POM121C: variants seen among roughly 807,000 people sequenced by gnomAD.
POM121C encodes nuclear envelope pore membrane protein POM 121C.
In POM121C, 20 loss-of-function variants were observed where a neutral mutation model predicts 66.4. That is an observed-to-expected ratio of 0.30 (90% CI 0.21 to 0.44). The LOEUF (loss-of-function observed/expected upper bound fraction) is 0.44, where lower values mean the gene tolerates loss of function less well. Among genes scored for constraint, POM121C ranks in the 20% least tolerant of loss-of-function variants. The pLI, the probability that POM121C is intolerant of heterozygous loss-of-function variation, is 1.00. For missense variants in POM121C, 580 were observed against 1,225.7 expected, an observed-to-expected ratio of 0.47 and a Z score of 7.87; for synonymous variants, 286 against 528.0, an observed-to-expected ratio of 0.54 and a Z score of 6.28.
At chr7:75,471,123 A>C (rs1276305133) in intron 3 of POM121C, among the ~76,000 whole-genome samples, 1 of 152,158 alleles carries the variant, frequency 6.6e-6, no homozygotes, top group African/African-American at 2.4e-5. Flanking sequence ...ACAGATCTAG[A>C]GCTTGGATGG....
chr7:75,440,121 T>G (rs1790577824), intron 5 of POM121C, among the ~76,000 whole-genome samples: 1 of 151,766 alleles, frequency 6.6e-6, no homozygotes, highest in African/African-American at 2.4e-5. Context: ...CCTCAGGTGA[T>G]CCACCCGCCT....
intron 3 of POM121C, among the ~76,000 whole-genome samples, chr7:75,448,894 A>C (rs1369041911): frequency 6.7e-6 from 1 of 150,374 alleles, no homozygotes; most frequent in Non-Finnish European, 1.5e-5. Context: ...GAAAAAGGCA[A>C]CTTAAAAAGG....
At chr7:75,477,239 C>T (rs1792124161) in intron 1 of POM121C, among the ~76,000 whole-genome samples, 1 of 151,898 alleles carries the variant, frequency 6.6e-6, no homozygotes, top group African/African-American at 2.4e-5. Flanking sequence ...ATAAAATGCT[C>T]ATTATCTACA....
chr7:75,419,017 G>T, intron 14 of POM121C, 124 bp from the exon 15 acceptor site: 1 of 1,455,376 alleles, frequency 6.9e-7, no homozygotes, highest in Non-Finnish European at 9.1e-7. Flanking sequence ...GGCTTTCCCC[G>T]CTGCGTCAGA....
chr7:75,464,072 A>G (rs2116490161), intron 3 of POM121C, among the ~76,000 whole-genome samples: 1 of 144,468 alleles, frequency 6.9e-6, no homozygotes, highest in South Asian at 2.3e-4. Flanking sequence ...CCTGACTCCA[A>G]TTTTCAAAAA....
In POM121C at chr7:75,442,486, G is replaced by A. The variant is rs587608927; in HGVS notation, c.-151-839C>T. ...GCGCCTTCTGAACGAAGGAGGACAA[G>A]GGGCGCGAACCTCGGGGCTCGCGGC... On this transcript the variant is annotated intron_variant, in intron 3 of 14. Transcript: ENST00000615331. 553 of 1,415,474 alleles carry A rather than the reference G, an allele frequency of 3.9e-4. No individual in the cohort carries two copies. In the African/African-American group the frequency reaches 6.1e-3, roughly 16 times the overall value. 87.7% of individuals were successfully genotyped at this position (1,415,474 alleles called of 1,614,324 possible).
chr7:75,469,389 C>A (rs1791790794), intron 3 of POM121C, among the ~76,000 whole-genome samples: 1 of 152,176 alleles, frequency 6.6e-6, no homozygotes, highest in East Asian at 1.9e-4. Context: ...TGAGCCACCA[C>A]ACCTGGCCAG....
In POM121C at chr7:75,418,829, C is replaced by T; in HGVS notation, c.2931G>A (p.Leu977=). The change falls in exon 15 of 15, where the codon CTG becomes CTA. Residue 977 remains leucine, a synonymous_variant. Coordinates refer to ENST00000615331, the MANE Select transcript of POM121C (RefSeq NM_001099415.3). ...TGCGGGTGTGCTGCCTTCGGGCCTG[C>T]AGTCGCTGTCGAGCCCCTGGGGTCT... is the stretch of plus-strand genomic sequence containing the variant. ...GSKTPGARQR[L]QARRQHTRKK is the part of the protein sequence containing the mutation. 1.9e-6 allele frequency: 3 copies of T among 1,611,814 alleles called. No individual in the cohort carries two copies. Among genetic ancestry groups the T allele is most frequent in the Non-Finnish European group, 2.5e-6 (3 of 1,179,786 alleles).
At chr7:75,421,253 A>C in intron 13 of POM121C, 1 of 1,117,690 alleles carries the variant, frequency 8.9e-7, no homozygotes, top group Non-Finnish European at 1.2e-6. Context: ...TGGGATTACA[A>C]GCATGAGCCA....
Position 75,441,046 on chromosome 7 carries a change from C to T in POM121C, c.135G>A (p.Glu45=), listed in dbSNP as rs1790624655. The change falls in exon 5 of 15, where the codon GAG becomes GAA. Residue 45 remains glutamate (E), a synonymous_variant. Transcript: ENST00000615331. ...TCTCTTTGAGGGCACTCAGTACAGT[C>T]TCCTTTGCACATGGGTCTGGGGCAT... ...SSNAPDPCAK[E]TVLSALKEKK... is the part of the protein sequence containing the mutation. 1.2e-6 allele frequency: 2 copies of T among 1,613,966 alleles called. No homozygotes were observed. Among genetic ancestry groups the T allele is most frequent in the African/African-American group, 2.7e-5 (2 of 75,024 alleles).
chr7:75,440,925 C>G, intron 5 of POM121C, 29 bp downstream of exon 5: 1 of 1,541,638 alleles, frequency 6.5e-7, no homozygotes, highest in Non-Finnish European at 8.9e-7. Flanking sequence ...AAGCGGGAAA[C>G]TGGCTTAGTA....
chr7:75,450,262 C>A (rs1458241723), intron 3 of POM121C, among the ~76,000 whole-genome samples: 1 of 151,246 alleles, frequency 6.6e-6, no homozygotes, highest in Admixed American at 6.6e-5. Context: ...TTCCTAAATC[C>A]GAGAAGGAAA....
At chr7:75,465,064 A>G (rs113160991) in intron 3 of POM121C, among the ~76,000 whole-genome samples, 110,653 of 148,516 alleles carry the variant, frequency 0.75, 41,920 homozygotes, top group East Asian at 0.96. Flanking sequence ...GCGTGATCTC[A>G]GCTCATTGAA....
At chr7:75,479,602 T>C (rs1792231908) in intron 1 of POM121C, among the ~76,000 whole-genome samples, 1 of 135,462 alleles carries the variant, frequency 7.4e-6, no homozygotes, top group Admixed American at 7.5e-5. Context: ...GGGGACAGAG[T>C]GAGACTCTGT....
intron 3 of POM121C, among the ~76,000 whole-genome samples, chr7:75,461,784 TA>T (rs1791453322): frequency 6.6e-6 from 1 of 152,010 alleles, no homozygotes; most frequent in African/African-American, 2.4e-5. Flanking sequence ...ATAATTAAAC[TA>T]AATCAATTTT....
chr7:75,483,153 T>C (rs1263523296), intron 1 of POM121C, among the ~76,000 whole-genome samples: 2 of 152,202 alleles, frequency 1.3e-5, no homozygotes, highest in Non-Finnish European at 2.9e-5. Flanking sequence ...GGAAAAATTA[T>C]ATGCACCAAG....
At chr7:75,472,591 G>C (rs1308638345) in intron 3 of POM121C, among the ~76,000 whole-genome samples, 1 of 151,922 alleles carries the variant, frequency 6.6e-6, no homozygotes, top group African/African-American at 2.4e-5. Flanking sequence ...TGGATCACAA[G>C]GTCAGGAGTT....
At position 75,439,162 on chromosome 7, in the gene POM121C, G is replaced by A. The variant is rs190008034; in HGVS notation, c.290C>T (p.Pro97Leu). Residue 97 changes from proline (P) to leucine (L), a missense_variant, in exon 6 of 15, where the codon CCC (proline) becomes CTC (leucine). Pro to Leu is a moderately conservative substitution (Grantham distance 98). Transcript: ENST00000615331. Reference sequence around the variant, plus strand: ...CACTTACTTAGGCACAAAAGAAGCGGGGACTCCACTGGCCACCAGGGGCTC... The same window carrying A: ...CACTTACTTAGGCACAAAAGAAGCGAGGACTCCACTGGCCACCAGGGGCTC... The part of the protein sequence containing the change: ...AFEPLVASGV[P>L]ASFVPKPGSL... 95 of 1,614,198 alleles carry A rather than the reference G, an allele frequency of 5.9e-5. No homozygotes were observed. The highest frequency in any genetic ancestry group is 1.6e-4 in the Middle Eastern group (1 of 6,062).
At chr7:75,484,733 T>A (rs1220340279) in intron 1 of POM121C, among the ~76,000 whole-genome samples, 9 of 151,042 alleles carry the variant, frequency 6.0e-5, no homozygotes, top group Admixed American at 4.0e-4. Flanking sequence ...AATCAGGTAG[T>A]AATTAGATGA....
Sources: gnomAD v4.1 joint callset for allele counts (sites outside exome capture counted in the v4.1 genomes callset) on GRCh38, gnomAD v4.1.1 for gene constraint, MANE v1.5 for transcripts, NCBI Gene and HGNC (gene_info 2026-07-23, HGNC 2026-07-21) for gene names.